Variants in SMTNL2 observed in about 807,000 individuals in gnomAD.
The protein encoded by SMTNL2 is smoothelin-like protein 2.
In SMTNL2, 43 loss-of-function variants were observed where a neutral mutation model predicts 44.1. The observed-to-expected ratio is 0.98, with a 90% confidence interval of 0.76 to 1.26. The LOEUF is 1.26. Among genes scored for constraint, SMTNL2 ranks in the 50% most tolerant of loss-of-function variants. SMTNL2 has a pLI of 0.00. For synonymous variants in SMTNL2, 317 were observed against 287.6 expected (o/e 1.10, Z -1.03); for missense variants, 646 against 670.2 (o/e 0.96, Z 0.40).
At position 4,594,805 on chromosome 17, in the gene SMTNL2, G is replaced by A. The variant is rs114211936; in HGVS notation, c.807-340G>A. 5.0e-3 allele frequency among the ~76,000 whole-genome samples: 756 copies of A among 152,220 alleles called. 4 individuals are homozygous for A. The highest frequency in any genetic ancestry group is 0.017 in the African/African-American group (710 of 41,522). The stretch of plus-strand genomic sequence containing the variant: ...GGGGGTCTTATCGCATGGTGGTGGA[G>A]GCAGGAGGCCTGGTCCCTCCGGGGC... On this transcript the variant is annotated intron_variant, in intron 4 of 7. Transcript: ENST00000389313.
At position 4,607,621 on chromosome 17, in the gene SMTNL2, G is replaced by C. The variant is rs558127229; in HGVS notation, c.*134G>C. 3.6e-6 allele frequency: 5 copies of C among 1,386,748 alleles called. No individual in the cohort carries two copies. The highest frequency in any genetic ancestry group is 1.4e-5 in the South Asian group (1 of 72,226). 85.9% of individuals were successfully genotyped at this position (1,386,748 alleles called of 1,614,324 possible). A position where few individuals can be genotyped will look rare whatever the true frequency, so the allele number is the denominator to read the frequency against. ...CGCTGTTTGTTCTGTGGCATGTGAC[G>C]GCACTCCCCTTCGAGCCCAGCTGTG... On this transcript the variant is annotated 3_prime_UTR_variant, in exon 8 of 8. Transcript: ENST00000389313. This position sits in a 1 kb window ranked among gnomAD's most constrained non-coding sequence, Gnocchi z 4.7.
At chr17:4,586,529 AGAGAG>A in intron 1 of SMTNL2, among the ~76,000 whole-genome samples, 1 of 151,806 alleles carries the variant, frequency 6.6e-6, no homozygotes, top group South Asian at 2.1e-4. Context: ...AGAGAGAGAG[AGAGAG>A]AGAGAGGGAA....
intron 4 of SMTNL2, among the ~76,000 whole-genome samples, chr17:4,594,750 TTTCTGGCAAACCG>T (rs1909735231): frequency 6.6e-6 from 1 of 151,742 alleles, no homozygotes; most frequent in Non-Finnish European, 1.5e-5. Context: ...GAATTGTGAC[TTTCTGGCAAACCG>T]TTCTGGGGAA....
At chr17:4,599,550 C>T (rs1174376775) in intron 7 of SMTNL2, among the ~76,000 whole-genome samples, 1 of 152,180 alleles carries the variant, frequency 6.6e-6, no homozygotes, top group Non-Finnish European at 1.5e-5. Context: ...GCGACACTGT[C>T]TTGCAGGATT....
upstream of SMTNL2, chr17:4,584,415 G>T (rs1028672974): frequency 2.8e-4 from 143 of 505,852 alleles, 2 homozygotes; most frequent in African/African-American, 2.7e-3. Flanking sequence ...GCACCGTCCC[G>T]CTGGGCTCCA....
chr17:4,595,269 G>C lies in SMTNL2; in HGVS notation c.931G>C (p.Glu311Gln). ...GTCGCAGACGCTGCCCCGCACCTCG[G>C]AGGCGCAGGCCCGGAAAGCATTGTT... ...VRSQTLPRTS[E>Q]AQARKALFEK... The change falls in exon 5 of 8, where the codon GAG (glutamate) becomes CAG (glutamine). Residue 311 changes from glutamate to glutamine, a missense_variant. Transcript: ENST00000389313. The surrounding 1 kb of genome is among the most constrained non-coding windows in gnomAD (Gnocchi z 5.1). 6.2e-7 allele frequency: 1 copy of C among 1,613,290 alleles called. No individual in the cohort carries two copies. Among genetic ancestry groups the C allele is most frequent in the Non-Finnish European group, 8.5e-7 (1 of 1,179,930 alleles).
upstream of SMTNL2, chr17:4,584,403 C>A: frequency 2.2e-6 from 1 of 455,984 alleles, no homozygotes; most frequent in Non-Finnish European, 3.5e-6. Context: ...AGCTCTCCCT[C>A]CGCACCGTCC....
At chr17:4,606,259 C>T (rs1219062808) in intron 7 of SMTNL2, among the ~76,000 whole-genome samples, 1 of 151,870 alleles carries the variant, frequency 6.6e-6, no homozygotes, top group Non-Finnish European at 1.5e-5. Context: ...GTAGCTGGGA[C>T]TACAGGCACA....
At chr17:4,593,926 T>C (rs767553877) in intron 4 of SMTNL2, 29 bp downstream of exon 4, 11 of 1,610,102 alleles carry the variant, frequency 6.8e-6, no homozygotes, top group Non-Finnish European at 9.3e-6. Context: ...TCCTGTGGGG[T>C]CGCTGCGCCC....
At chr17:4,593,213 G>T (rs1163041246) in intron 3 of SMTNL2, 42 bp downstream of exon 3, 2 of 1,533,208 alleles carry the variant, frequency 1.3e-6, no homozygotes, top group South Asian at 2.5e-5. Flanking sequence ...ACCTCCCCTT[G>T]GGATGGGAGA....
At chr17:4,606,823 T>A (rs1910296481) in intron 7 of SMTNL2, among the ~76,000 whole-genome samples, 1 of 151,966 alleles carries the variant, frequency 6.6e-6, no homozygotes, top group Admixed American at 6.5e-5. Flanking sequence ...GACAGGAGAA[T>A]CACTCGAACC....
At chr17:4,604,520 G>A (rs552085817) in intron 7 of SMTNL2, among the ~76,000 whole-genome samples, 4 of 152,298 alleles carry the variant, frequency 2.6e-5, no homozygotes, top group South Asian at 4.1e-4. Flanking sequence ...TGAGTGCGTC[G>A]TGCCAAACTG....
rs1357174005 is a variant in SMTNL2 at position 4,598,779 on chromosome 17, G to A, written c.1259+1456G>A. On this transcript the variant is annotated intron_variant, in intron 7 of 7. Coordinates refer to ENST00000389313, the MANE Select transcript of SMTNL2 (RefSeq NM_001114974.2). The surrounding 1 kb of genome is among the most constrained non-coding windows in gnomAD (Gnocchi z 4.8). The stretch of plus-strand genomic sequence containing the variant: ...AAAGAGGTTGCAGTGAGCTGAGATC[G>A]CACCACTGTACTCCAGCCTGGGTGG... Among the ~76,000 whole-genome samples the A allele has an allele frequency of 2.0e-5, 3 of 151,544 alleles. No homozygotes were observed. Among genetic ancestry groups the A allele is most frequent in the East Asian group, 1.9e-4 (1 of 5,160 alleles).
At position 4,596,033 on chromosome 17, in the gene SMTNL2, G is replaced by A. The variant is rs1162230764; in HGVS notation, c.989+706G>A. Among the ~76,000 whole-genome samples, 418 of 108,212 alleles carry A rather than the reference G, an allele frequency of 3.9e-3. 2 individuals carry two copies. The highest frequency in any genetic ancestry group is 0.021 in the Admixed American group (225 of 10,562). The allele number at this position is 108,212 out of a possible 152,430, so 71.0% of individuals were successfully genotyped here. A position where few individuals can be genotyped will look rare whatever the true frequency, so the allele number is the denominator to read the frequency against. On this transcript the variant is annotated intron_variant, in intron 5 of 7. Transcript: ENST00000389313. ...GCTGTGTGCAGGGTGTGGCCCAAGC[G>A]TGGTATTGATGTCTGCTGTGTGCAG...
rs1567639780 is a variant in SMTNL2, at chr17:4,607,403, G to A, written c.1302G>A (p.Met434Ile). Residue 434 changes from methionine (M) to isoleucine (I), a missense_variant, in exon 8 of 8, where the codon ATG (methionine) becomes ATA (isoleucine). Transcript: ENST00000389313. This position sits in a 1 kb window ranked among gnomAD's most constrained non-coding sequence, Gnocchi z 4.7. ...NCERLIEVED[M>I]MVMGRKPDPM... The stretch of plus-strand genomic sequence containing the variant: ...AGCGCCTCATCGAAGTGGAGGACAT[G>A]ATGGTGATGGGCCGCAAGCCGGACC... The A allele has an allele frequency of 6.2e-7, 1 of 1,614,090 alleles. No individual in the cohort carries two copies. Among genetic ancestry groups the A allele is most frequent in the African/African-American group, 1.3e-5 (1 of 74,934 alleles).
In SMTNL2 at chr17:4,600,708, T is replaced by TG. The variant is rs1207288613; in HGVS notation, c.1259+3387dup. On this transcript the variant is annotated intron_variant, in intron 7 of 7. Transcript: ENST00000389313. The surrounding 1 kb of genome is among the most constrained non-coding windows in gnomAD (Gnocchi z 4.7). Reference sequence around the variant, plus strand: ...AACGAGGGAGGACCGGCCCCTTTTATGGAAGGGGCTGAGTCGGGCGGGCGC... The same window carrying TG: ...AACGAGGGAGGACCGGCCCCTTTTATGGGAAGGGGCTGAGTCGGGCGGGCGC... Among the ~76,000 whole-genome samples, 12 of 152,148 alleles carry TG rather than the reference T, an allele frequency of 7.9e-5. No individual in the cohort carries two copies. The highest frequency in any genetic ancestry group is 2.7e-4 in the African/African-American group (11 of 41,452).
Position 4,598,053 on chromosome 17 carries a change from T to A in SMTNL2, c.1259+730T>A, listed in dbSNP as rs1196875373. Among the ~76,000 whole-genome samples the A allele has an allele frequency of 6.6e-6, 1 of 152,030 alleles. No homozygotes were observed. Among genetic ancestry groups the A allele is most frequent in the African/African-American group, 2.4e-5 (1 of 41,384 alleles). ...TACAAAGGCGTGGGCAGGAATGAGG[T>A]CGTGGGTCAGGCCTCATGCAGCAGC... is the stretch of plus-strand genomic sequence containing the variant. On this transcript the variant is annotated intron_variant, in intron 7 of 7. Transcript: ENST00000389313. This position sits in a 1 kb window ranked among gnomAD's most constrained non-coding sequence, Gnocchi z 4.8.
rs917719083 is a variant in SMTNL2, at chr17:4,584,987, C to A, written c.382C>A (p.Leu128Met). 1 of 1,374,158 alleles carries A rather than the reference C, an allele frequency of 7.3e-7. No homozygotes were observed. The highest frequency in any genetic ancestry group is 3.2e-5 in the Admixed American group (1 of 31,242). The allele number at this position is 1,374,158 out of a possible 1,614,324, so 85.1% of individuals were successfully genotyped here. A position where few individuals can be genotyped will look rare whatever the true frequency, so the allele number is the denominator to read the frequency against. Residue 128 changes from leucine (L) to methionine (M), a missense_variant, in exon 1 of 8, where the codon CTG becomes ATG. Physicochemically the swap from Leu to Met is conservative, Grantham distance 15. Coordinates refer to ENST00000389313, the MANE Select transcript of SMTNL2 (RefSeq NM_001114974.2). ...CTTCGCCAGCCACGCCACCTTCTCG[C>A]TGTCCGGCCGCGGCCAGGTGAGCCC... ...ARFASHATFS[L>M]SGRGQSLDHD...
intron 7 of SMTNL2, among the ~76,000 whole-genome samples, chr17:4,597,781 T>C (rs1385099667): frequency 6.6e-6 from 1 of 152,160 alleles, no homozygotes; most frequent in African/African-American, 2.4e-5. Context: ...TCCAATAAGA[T>C]TTTCCTTCCC....
Sources: allele counts gnomAD v4.1 joint callset (sites outside exome capture counted in the v4.1 genomes callset), GRCh38; gene constraint gnomAD v4.1.1; non-coding constraint Gnocchi (gnomAD v3.1); transcripts MANE v1.5; gene names NCBI Gene and HGNC (gene_info 2026-07-23, HGNC 2026-07-21).